Variants in TUBGCP6 observed in about 807,000 individuals in gnomAD.
TUBGCP6 encodes gamma-tubulin complex component 6.
In TUBGCP6, 161 loss-of-function variants were observed where a neutral mutation model predicts 175.8. The observed-to-expected ratio is 0.92, with a 90% CI of 0.81 to 1.04. The LOEUF (loss-of-function observed/expected upper bound fraction) is 1.04, where lower values mean the gene tolerates loss of function less well. Among genes scored for constraint, TUBGCP6 ranks in the 50% least tolerant of loss-of-function variants. TUBGCP6 has a pLI of 0.00. For synonymous variants in TUBGCP6, 1,173 were observed against 1,030.5 expected (o/e 1.14, Z -2.65); for missense variants, 2,572 against 2,433.0 (o/e 1.06, Z -1.20).
chr22:50,238,967 A>G (rs761893395), intron 2 of TUBGCP6, among the ~76,000 whole-genome samples: 13 of 152,130 alleles, frequency 8.5e-5, no homozygotes, highest in African/African-American at 1.7e-4. Flanking sequence ...GGGAATCTTC[A>G]TGATGTCAGG....
At position 50,243,948 on chromosome 22, in the gene TUBGCP6, C is replaced by A; in HGVS notation, c.512G>T (p.Cys171Phe). 1 of 1,614,136 alleles carries A rather than the reference C, an allele frequency of 6.2e-7. No individual in the cohort carries two copies. The highest frequency in any genetic ancestry group is 8.5e-7 in the Non-Finnish European group (1 of 1,180,036). Residue 171 changes from cysteine to phenylalanine, a missense_variant, in exon 1 of 25, where the codon TGT (cysteine) becomes TTT (phenylalanine). Coordinates refer to ENST00000248846, the MANE Select transcript of TUBGCP6 (RefSeq NM_020461.4). ...QSLISREECLCHSMIQETLQV... is the reference protein window; with the variant it reads ...QSLISREECLFHSMIQETLQV... ...AAGTGTTTCCTGGATCATGCTGTGA[C>A]ACAAACACTCTTCTCTGGAGATCAG...
At chr22:50,233,985 C>T (rs1280276018) in intron 2 of TUBGCP6, among the ~76,000 whole-genome samples, 1 of 151,386 alleles carries the variant, frequency 6.6e-6, no homozygotes, top group Non-Finnish European at 1.5e-5. Context: ...ATCCACATCC[C>T]TGTTCATGGC....
intron 2 of TUBGCP6, among the ~76,000 whole-genome samples, chr22:50,237,983 G>T (rs1183285614): frequency 2.0e-5 from 3 of 152,144 alleles, no homozygotes; most frequent in Non-Finnish European, 4.4e-5. Flanking sequence ...TTAGCCAGGC[G>T]TGGTGTCCCA....
rs1177034489 is a variant in TUBGCP6 at position 50,219,724 on chromosome 22, T to C, written c.4235A>G (p.Gln1412Arg). Residue 1412 changes from glutamine (Q) to arginine (R), a missense_variant, in exon 18 of 25, where the codon CAG becomes CGG. Coordinates refer to ENST00000248846, the MANE Select transcript of TUBGCP6 (RefSeq NM_020461.4). ...TGCCAGGTAGGCCTGCTCCCCACCC[T>C]GAGCCTCCGCCGCCGATGCCTCCGC... ...EEAEASAAEA[Q>R]GGEQAYLAGL... is the part of the protein sequence containing the mutation. The C allele has an allele frequency of 6.2e-7, 1 of 1,613,374 alleles. No homozygotes were observed. Among genetic ancestry groups the C allele is most frequent in the Non-Finnish European group, 8.5e-7 (1 of 1,179,844 alleles).
In TUBGCP6 at chr22:50,240,142, T is replaced by C. The variant is rs5771109; in HGVS notation, c.905+62A>G. ...TACACAACGCCCCCCACACACCCCATCCAAGGCCACGCTCATGCAGGGGTA... is the reference window on the plus strand; with the variant it reads ...TACACAACGCCCCCCACACACCCCACCCAAGGCCACGCTCATGCAGGGGTA... On this transcript the variant is annotated intron_variant, in intron 2 of 24. Transcript: ENST00000248846. The C allele has an allele frequency of 0.39, 632,592 of 1,602,260 alleles. 125,796 individuals are homozygous for C. Among genetic ancestry groups the C allele is most frequent in the African/African-American group, 0.43 (32,166 of 74,564 alleles).
At chr22:50,230,859 G>T (rs890399552) in intron 3 of TUBGCP6, among the ~76,000 whole-genome samples, 1 of 151,486 alleles carries the variant, frequency 6.6e-6, no homozygotes, top group African/African-American at 2.4e-5. Flanking sequence ...CGAAGCAAGC[G>T]GATCACTTGA....
rs1192820662 is a variant in TUBGCP6 at position 50,218,075 on chromosome 22, G to A, written c.5211C>T (p.Ile1737=). The part of the protein sequence containing the change: ...TEKAAPVMNV[I]HSIFSLVLKF... ...TGAGCACGAGGCTGAAGATGCTGTG[G>A]ATGACGTTCATGACGGGCGCCGCCT... Residue 1737 remains isoleucine (I), a synonymous_variant, in exon 24 of 25, where the codon ATC becomes ATT. Coordinates refer to ENST00000248846, the MANE Select transcript of TUBGCP6 (RefSeq NM_020461.4). 1 of 1,613,478 alleles carries A rather than the reference G, an allele frequency of 6.2e-7. No homozygotes were observed. The highest frequency in any genetic ancestry group is 2.2e-5 in the East Asian group (1 of 44,870).
Position 50,227,174 on chromosome 22 carries a change from CT to C in TUBGCP6, c.1413-98del, listed in dbSNP as rs2064624845. ...AAGTCTCCACGTATCTTTATGCTCC[CT>C]GGGGCAACTAACTTTAGATGCAGGC... On this transcript the variant is annotated intron_variant, in intron 5 of 24. Transcript: ENST00000248846. 12 of 1,111,640 alleles carry C rather than the reference CT, an allele frequency of 1.1e-5. No homozygotes were observed. The East Asian group carries it at 3.1e-4, about 29-fold the overall frequency. The allele number at this position is 1,111,640 out of a possible 1,614,324, so 68.9% of individuals were successfully genotyped here.
chr22:50,219,357 A>C lies in TUBGCP6; in HGVS notation c.4415T>G (p.Val1472Gly). The C allele has an allele frequency of 1.3e-6, 2 of 1,591,136 alleles. No individual in the cohort carries two copies. Among genetic ancestry groups the C allele is most frequent in the South Asian group, 1.1e-5 (1 of 88,114 alleles). Residue 1472 changes from valine to glycine, a missense_variant, in exon 19 of 25, where the codon GTG becomes GGG. Coordinates refer to ENST00000248846, the MANE Select transcript of TUBGCP6 (RefSeq NM_020461.4). ...QVQSAADETAVQLSELLTLPV... is the reference protein window; with the variant it reads ...QVQSAADETAGQLSELLTLPV... Reference sequence around the variant, plus strand: ...CAGCGTCAGCAACTCGCTCAGCTGCACAGCAGTCTCATCAGCGGCAGACTG... The same window carrying C: ...CAGCGTCAGCAACTCGCTCAGCTGCCCAGCAGTCTCATCAGCGGCAGACTG...
chr22:50,219,765 T>C lies in TUBGCP6; in HGVS notation c.4194A>G (p.Pro1398=). The change falls in exon 18 of 25, where the codon CCA becomes CCG. Residue 1398 remains proline, a synonymous_variant. Coordinates refer to ENST00000248846, the MANE Select transcript of TUBGCP6 (RefSeq NM_020461.4). ...SQEDTAAQSS[P]GRGEEAEASA... ...ATGCCTCCGCCTCCTCACCACGGCC[T>C]GGGCTGCTCTGGGCAGCTGTGTCTT... is the stretch of plus-strand genomic sequence containing the variant. The C allele has an allele frequency of 6.2e-7, 1 of 1,613,674 alleles. No individual in the cohort carries two copies. The highest frequency in any genetic ancestry group is 8.5e-7 in the Non-Finnish European group (1 of 1,179,944).
chr22:50,240,410 C>T (rs1430856613), intron 1 of TUBGCP6, 43 bp from the exon 2 acceptor site: 2 of 1,609,170 alleles, frequency 1.2e-6, no homozygotes, highest in Admixed American at 1.7e-5. Context: ...ATTGCTGTGT[C>T]CACGTTTCAT....
chr22:50,218,442 G>A (rs767518949), intron 22 of TUBGCP6, 40 bp from the exon 23 acceptor site: 1 of 1,612,886 alleles, frequency 6.2e-7, no homozygotes, highest in South Asian at 1.1e-5. Context: ...GGTGAGCGCA[G>A]CCTCCAGCCA....
At position 50,242,572 on chromosome 22, in the gene TUBGCP6, C is replaced by T. The variant is rs558992336; in HGVS notation, c.741+1147G>A. On this transcript the variant is annotated intron_variant, in intron 1 of 24. Transcript: ENST00000248846. The stretch of plus-strand genomic sequence containing the variant: ...GTATGTTTCTAAATCATCTAGCTAT[C>T]GCATAAGAATAGAACGACTAGTAAC... 4.9e-4 allele frequency among the ~76,000 whole-genome samples: 75 copies of T among 152,316 alleles called. 1 individual carries two copies. The highest frequency in any genetic ancestry group is 1.5e-3 in the African/African-American group (64 of 41,570).
At chr22:50,238,005 C>T (rs1465074354) in intron 2 of TUBGCP6, among the ~76,000 whole-genome samples, 2 of 152,080 alleles carry the variant, frequency 1.3e-5, no homozygotes, top group Admixed American at 1.3e-4. Flanking sequence ...GCCTGTAATC[C>T]CACTGTAATC....
At chr22:50,241,665 T>C (rs2064840100) in intron 1 of TUBGCP6, among the ~76,000 whole-genome samples, 1 of 152,138 alleles carries the variant, frequency 6.6e-6, no homozygotes, top group African/African-American at 2.4e-5. Flanking sequence ...AGCTGTCTCC[T>C]CTCTCTCTGC....
At chr22:50,222,698 C>A in intron 13 of TUBGCP6, 106 bp from the exon 14 acceptor site, 1 of 1,479,260 alleles carries the variant, frequency 6.8e-7, no homozygotes, top group Non-Finnish European at 9.1e-7. Flanking sequence ...CCCCAGTGGG[C>A]CCCCGCCCCC....
intron 2 of TUBGCP6, among the ~76,000 whole-genome samples, chr22:50,238,043 G>C (rs992691818): frequency 1.3e-5 from 2 of 152,090 alleles, no homozygotes; most frequent in Admixed American, 6.6e-5. Flanking sequence ...TGAGGCAGGA[G>C]AATCGCTTGA....
chr22:50,222,116 C>T lies in TUBGCP6; in HGVS notation c.2410-14G>A. 1 of 1,612,872 alleles carries T rather than the reference C, an allele frequency of 6.2e-7. No homozygotes were observed. Among genetic ancestry groups the T allele is most frequent in the African/African-American group, 1.3e-5 (1 of 75,034 alleles). Reference sequence around the variant, plus strand: ...TTTCAGCATCTCCTGAAATTCAAGCCAGAGGGGTGACTGGCCAAGCCGGAG... The same window carrying T: ...TTTCAGCATCTCCTGAAATTCAAGCTAGAGGGGTGACTGGCCAAGCCGGAG... On this transcript the variant is annotated splice_polypyrimidine_tract_variant and intron_variant, in intron 14 of 24. Coordinates refer to ENST00000248846, the MANE Select transcript of TUBGCP6 (RefSeq NM_020461.4).
At position 50,224,494 on chromosome 22, in the gene TUBGCP6, G is replaced by A. The variant is rs911910455; in HGVS notation, c.2065+17C>T. ...GGCCCCCCGGAACTGCAGAAGGGAG[G>A]ACTTGGGGCCACTCACCACTCAGTG... is the stretch of plus-strand genomic sequence containing the variant. On this transcript the variant is annotated intron_variant, in intron 11 of 24. Transcript: ENST00000248846. 4.3e-6 allele frequency: 7 copies of A among 1,614,096 alleles called. No individual in the cohort carries two copies. The Admixed American group carries it at 8.3e-5, about 19-fold the overall frequency.
Sources: allele counts gnomAD v4.1 joint callset (sites outside exome capture counted in the v4.1 genomes callset), GRCh38; gene constraint gnomAD v4.1.1; transcripts MANE v1.5; gene names NCBI Gene and HGNC (gene_info 2026-07-23, HGNC 2026-07-21).